Variants in DGKK observed in about 807,000 individuals in gnomAD.
DGKK encodes the protein 142 kDa diacylglycerol kinase.
A neutral mutation model predicts 92.2 loss-of-function variants in DGKK; 35 were observed. The ratio of observed to expected loss-of-function variants is 0.38; its 90% confidence interval spans 0.29 to 0.50. DGKK has a LOEUF of 0.50. Ranked by LOEUF, DGKK falls within the 20% of genes least tolerant of loss-of-function variation. The pLI is 0.92. For synonymous variants in DGKK, 368 were observed against 360.6 expected, an observed-to-expected ratio of 1.02 and a Z score of -0.23; for missense variants, 910 against 992.2, an observed-to-expected ratio of 0.92 and a Z score of 1.11.
chrX:50,470,011 G>T, intron 1 of DGKK, 23 bp downstream of exon 1: 1 of 1,165,514 alleles, frequency 8.6e-7, no homozygotes. Context: ...TCTTTTCCCC[G>T]CTTCAGGGGG....
chrX:50,378,079 A>G lies in DGKK; in HGVS notation c.3111+19T>C, dbSNP rs1443079282. 1 of 1,200,230 alleles carries G rather than the reference A, an allele frequency of 8.3e-7. No individual in the cohort carries two copies. The highest frequency in any genetic ancestry group is 1.8e-5 in the African/African-American group (1 of 56,242). On this transcript the variant is annotated intron_variant, in intron 22 of 27. Transcript: ENST00000611977. ...GGATGAGGCAGTATAGGAGCCCAAG[A>G]CAAGATTTTCCCCCTTACCCGATCT...
rs782815161 is a variant in DGKK at position 50,402,102 on chromosome X, A to G, written c.1308+959T>C. ...AGGACCACTGGTTTAGAGGCATGGT[A>G]GTGTTGTAGTTAAGAGTGTGGTCGG... On this transcript the variant is annotated intron_variant, in intron 7 of 27. Coordinates refer to ENST00000611977, the MANE Select transcript of DGKK (RefSeq NM_001013742.4). 2.1e-4 allele frequency among the ~76,000 whole-genome samples: 23 copies of G among 111,729 alleles called. No homozygotes were observed. The East Asian group carries it at 6.5e-3, about 31-fold the overall frequency.
intron 1 of DGKK, among the ~76,000 whole-genome samples, chrX:50,436,712 G>A (rs1182749043): frequency 6.3e-5 from 7 of 110,890 alleles, no homozygotes; most frequent in African/African-American, 2.0e-4. Flanking sequence ...GGCCAGGTAA[G>A]TAATGCTATT....
At chrX:50,422,275 T>C (rs1193006610) in intron 3 of DGKK, among the ~76,000 whole-genome samples, 171 bp downstream of exon 3, 2 of 111,729 alleles carry the variant, frequency 1.8e-5, no homozygotes, top group African/African-American at 6.5e-5. Context: ...CATCACTTTT[T>C]TTCTTCCCTA....
At chrX:50,374,636 G>A (rs1924224173) in intron 25 of DGKK, among the ~76,000 whole-genome samples, 1 of 111,121 alleles carries the variant, frequency 9.0e-6, no homozygotes, top group Non-Finnish European at 1.9e-5. Flanking sequence ...AACTTGGGAG[G>A]TACAAAGCAG....
chrX:50,373,163 G>A (rs1557223448), intron 25 of DGKK, among the ~76,000 whole-genome samples: 1 of 112,380 alleles, frequency 8.9e-6, no homozygotes, highest in Non-Finnish European at 1.9e-5. Flanking sequence ...GTTACTGGGA[G>A]GGATTCACTT....
chrX:50,369,034 A>G lies in DGKK; in HGVS notation c.3737-15T>C. 1 of 1,184,617 alleles carries G rather than the reference A, an allele frequency of 8.4e-7. No homozygotes were observed. Among genetic ancestry groups the G allele is most frequent in the East Asian group, 3.0e-5 (1 of 33,635 alleles). ...CCATAAATTGCCTTCAGAGGAAAAA[A>G]AATGGTATAGAAATAATGAGGTTAG... On this transcript the variant is annotated splice_polypyrimidine_tract_variant and intron_variant, in intron 27 of 27. Transcript: ENST00000611977.
At chrX:50,372,622 G>A (rs1409167258) in intron 25 of DGKK, among the ~76,000 whole-genome samples, 1 of 111,725 alleles carries the variant, frequency 9.0e-6, no homozygotes, top group Non-Finnish European at 1.9e-5. Context: ...ACAGGTTCAG[G>A]AAGCAAATTT....
rs150804024 is a variant in DGKK, at chrX:50,413,124, A to C, written c.942+7279T>G. Among the ~76,000 whole-genome samples, 867 of 110,424 alleles carry C rather than the reference A, an allele frequency of 7.9e-3. 10 individuals are homozygous for C. Among genetic ancestry groups the C allele is most frequent in the African/African-American group, 0.028 (845 of 30,362 alleles). On this transcript the variant is annotated intron_variant, in intron 4 of 27. Transcript: ENST00000611977. ...CCCTACCAACCCCCAACCACAGTCC[A>C]TGGAAAAATTGTCTTCCATGGAAAC...
At chrX:50,467,120 T>C (rs782765670) in intron 1 of DGKK, among the ~76,000 whole-genome samples, 4 of 112,378 alleles carry the variant, frequency 3.6e-5, no homozygotes, top group South Asian at 3.7e-4. Context: ...CCAAGAGAGT[T>C]ATAGCATTGC....
At chrX:50,447,412 A>AT (rs1926387225) in intron 1 of DGKK, among the ~76,000 whole-genome samples, 2 of 13,228 alleles carry the variant, frequency 1.5e-4, no homozygotes, top group African/African-American at 1.6e-3. Context: ...TATATATAAT[A>AT]TATATATATA....
chrX:50,388,471 G>T (rs1350399842), intron 13 of DGKK, 56 bp downstream of exon 13: 1 of 905,182 alleles, frequency 1.1e-6, no homozygotes, highest in Non-Finnish European at 1.6e-6. Context: ...ATCAAAATGA[G>T]CCCCATGTCT....
chrX:50,453,780 G>T (rs1256430788), intron 1 of DGKK, among the ~76,000 whole-genome samples: 2 of 110,983 alleles, frequency 1.8e-5, no homozygotes, highest in African/African-American at 6.5e-5. Context: ...GAAAGATGGT[G>T]CATAGAAATG....
intron 4 of DGKK, among the ~76,000 whole-genome samples, chrX:50,418,273 T>C (rs1210544081): frequency 8.9e-6 from 1 of 112,005 alleles, no homozygotes; most frequent in Non-Finnish European, 1.9e-5. Context: ...GGTACTGTCA[T>C]TTAACTGTTT....
At chrX:50,372,871 G>A (rs1384661980) in intron 25 of DGKK, among the ~76,000 whole-genome samples, 3 of 111,630 alleles carry the variant, frequency 2.7e-5, no homozygotes, top group Non-Finnish European at 3.8e-5. Flanking sequence ...CTACTCCCTG[G>A]CATGCACTTT....
intron 15 of DGKK, 87 bp from the exon 16 acceptor site, chrX:50,384,911 G>A: frequency 1.6e-6 from 1 of 643,898 alleles, no homozygotes; most frequent in South Asian, 2.9e-5. Flanking sequence ...TGGAAGGAAG[G>A]AAAGATTAAT....
At chrX:50,428,216 T>TATG in intron 1 of DGKK, among the ~76,000 whole-genome samples, 1 of 110,029 alleles carries the variant, frequency 9.1e-6, no homozygotes, top group Non-Finnish European at 1.9e-5. Flanking sequence ...TTATTATTAT[T>TATG]ATTAACACAT....
chrX:50,390,428 A>G lies in DGKK; in HGVS notation c.1845-19T>C, dbSNP rs1557225411. On this transcript the variant is annotated intron_variant, in intron 11 of 27. Transcript: ENST00000611977. ...ACTCCATCTGAAATGAATTTCAAAG[A>G]CGGATATTTAAGGGTCTGTTTCATG... is the stretch of plus-strand genomic sequence containing the variant. 1 of 1,185,318 alleles carries G rather than the reference A, an allele frequency of 8.4e-7. No homozygotes were observed. Among genetic ancestry groups the G allele is most frequent in the Admixed American group, 2.2e-5 (1 of 45,888 alleles).
intron 25 of DGKK, among the ~76,000 whole-genome samples, chrX:50,374,048 G>C (rs1354733664): frequency 8.9e-6 from 1 of 112,167 alleles, no homozygotes; most frequent in Admixed American, 9.4e-5. Context: ...CTAAGACCCA[G>C]AGAGGTGAAG....
Sources: gnomAD v4.1 joint callset for allele counts (sites outside exome capture counted in the v4.1 genomes callset) on GRCh38, gnomAD v4.1.1 for gene constraint, MANE v1.5 for transcripts, NCBI Gene and HGNC (gene_info 2026-07-23, HGNC 2026-07-21) for gene names.